CNOT4: variants seen among roughly 807,000 people sequenced by gnomAD.
CNOT4 encodes CCR4-associated factor 4.
CNOT4 carries 8 observed loss-of-function variants against 73.8 expected under a neutral mutation model. The observed-to-expected ratio is 0.11, with a 90% CI of 0.06 to 0.20. The LOEUF is 0.20. Among genes scored for constraint, CNOT4 ranks in the 10% least tolerant of loss-of-function variants. The pLI is 1.00. For synonymous variants in CNOT4, 293 were observed against 321.1 expected (o/e 0.91, Z 0.94); for missense variants, 564 against 883.4 (o/e 0.64, Z 4.58).
chr7:135,485,308 G>C (rs1240188896), intron 1 of CNOT4, among the ~76,000 whole-genome samples: 3 of 152,156 alleles, frequency 2.0e-5, no homozygotes, highest in East Asian at 3.8e-4. Flanking sequence ...TTGACCTCAT[G>C]ATCCACCTGC....
chr7:135,507,734 G>A (rs1804472029), intron 1 of CNOT4, among the ~76,000 whole-genome samples: 1 of 152,076 alleles, frequency 6.6e-6, no homozygotes, highest in South Asian at 2.1e-4. Context: ...CCTGTGTTAG[G>A]ATTTTTAAAA....
intron 1 of CNOT4, among the ~76,000 whole-genome samples, chr7:135,503,333 T>C (rs7803353): frequency 0.71 from 108,177 of 151,722 alleles, 38,845 homozygotes; most frequent in Middle Eastern, 0.79. Flanking sequence ...GGCATGGTCC[T>C]GTGCCTGTAG....
intron 2 of CNOT4, 140 bp from the exon 3 acceptor site, chr7:135,422,493 AT>A: frequency 1.9e-6 from 1 of 540,264 alleles, no homozygotes; most frequent in Non-Finnish European, 3.3e-6. Context: ...TGCTTAAAAA[AT>A]TTTTTTATTT....
intron 1 of CNOT4, among the ~76,000 whole-genome samples, chr7:135,445,864 T>C (rs979436347): frequency 6.6e-6 from 1 of 152,204 alleles, no homozygotes; most frequent in Admixed American, 6.5e-5. Flanking sequence ...AAATATTTTA[T>C]GTTTTCACTT....
chr7:135,390,636 G>A (rs1796352343), intron 10 of CNOT4, among the ~76,000 whole-genome samples: 1 of 151,992 alleles, frequency 6.6e-6, no homozygotes, highest in South Asian at 2.1e-4. Flanking sequence ...AAAAAAGGAA[G>A]CTGCATTTCT....
intron 2 of CNOT4, among the ~76,000 whole-genome samples, chr7:135,426,554 G>A (rs1798509701): frequency 6.8e-6 from 1 of 146,066 alleles, no homozygotes; most frequent in African/African-American, 2.5e-5. Flanking sequence ...AGTGAGCCGA[G>A]ATCGTGCCAC....
chr7:135,420,996 G>A (rs1798160243), intron 3 of CNOT4, among the ~76,000 whole-genome samples: 1 of 152,046 alleles, frequency 6.6e-6, no homozygotes, highest in African/African-American at 2.4e-5. Flanking sequence ...TGTAACTAAC[G>A]ACTGCCAGCA....
chr7:135,365,738 T>C (rs1012478802), intron 10 of CNOT4, among the ~76,000 whole-genome samples: 2 of 152,154 alleles, frequency 1.3e-5, no homozygotes, highest in African/African-American at 4.8e-5. Flanking sequence ...AGAGAAGCAT[T>C]ATAGTGTGTC....
intron 1 of CNOT4, among the ~76,000 whole-genome samples, chr7:135,457,307 G>A (rs1312040755): frequency 1.3e-5 from 2 of 151,268 alleles, no homozygotes; most frequent in Non-Finnish European, 3.0e-5. Flanking sequence ...GGGAAGGGAA[G>A]GAGACAAAGG....
chr7:135,458,828 G>A (rs1435352536), intron 1 of CNOT4, among the ~76,000 whole-genome samples: 1 of 151,858 alleles, frequency 6.6e-6, no homozygotes, highest in East Asian at 1.9e-4. Context: ...TACTTCCCAC[G>A]ATGAAGTCTT....
intron 1 of CNOT4, among the ~76,000 whole-genome samples, chr7:135,478,481 T>C (rs1215016974): frequency 3.3e-5 from 5 of 152,136 alleles, no homozygotes; most frequent in Non-Finnish European, 7.4e-5. Context: ...GTGGCTCAGA[T>C]CACTTGTGTT....
At chr7:135,428,943 T>G (rs1798665092) in intron 2 of CNOT4, among the ~76,000 whole-genome samples, 1 of 152,174 alleles carries the variant, frequency 6.6e-6, no homozygotes, top group African/African-American at 2.4e-5. Flanking sequence ...CCACTGCTCT[T>G]GTATTTAACA....
chr7:135,390,547 A>G (rs1796346969), intron 10 of CNOT4, among the ~76,000 whole-genome samples: 1 of 152,092 alleles, frequency 6.6e-6, no homozygotes, highest in Non-Finnish European at 1.5e-5. Context: ...AGTAAACCAA[A>G]TGCTGCTAAA....
intron 10 of CNOT4, among the ~76,000 whole-genome samples, chr7:135,385,209 A>G (rs1221774202): frequency 1.3e-5 from 2 of 152,236 alleles, no homozygotes; most frequent in Admixed American, 1.3e-4. Flanking sequence ...GTTCTCTACC[A>G]CTGACCACAT....
At chr7:135,388,564 C>T in intron 10 of CNOT4, 2 of 1,117,232 alleles carry the variant, frequency 1.8e-6, no homozygotes, top group Non-Finnish European at 2.2e-6. Context: ...GAAATAGTAT[C>T]ACTCATGAGA....
At chr7:135,456,016 C>G (rs187467969) in intron 1 of CNOT4, among the ~76,000 whole-genome samples, 1 of 152,130 alleles carries the variant, frequency 6.6e-6, no homozygotes, top group Non-Finnish European at 1.5e-5. Flanking sequence ...GTAACATTGA[C>G]GAAAACAGAA....
intron 1 of CNOT4, among the ~76,000 whole-genome samples, chr7:135,469,883 G>C (rs1017905691): frequency 1.3e-5 from 2 of 151,932 alleles, no homozygotes; most frequent in Non-Finnish European, 2.9e-5. Context: ...GTGCAGTGGC[G>C]CAATCTCAGC....
At chr7:135,369,475 T>C (rs2129482501) in intron 10 of CNOT4, among the ~76,000 whole-genome samples, 1 of 152,348 alleles carries the variant, frequency 6.6e-6, no homozygotes, top group South Asian at 2.1e-4. Flanking sequence ...TTTTGAGCCA[T>C]ATTTAATGGT....
At chr7:135,466,338 G>T (rs1801217166) in intron 1 of CNOT4, among the ~76,000 whole-genome samples, 1 of 151,396 alleles carries the variant, frequency 6.6e-6, no homozygotes, top group African/African-American at 2.4e-5. Context: ...GCCAGGCGTG[G>T]TGGCATGCAC....
Sources: allele counts gnomAD v4.1 joint callset (sites outside exome capture counted in the v4.1 genomes callset), GRCh38; gene constraint gnomAD v4.1.1; transcripts MANE v1.5; gene names NCBI Gene and HGNC (gene_info 2026-07-23, HGNC 2026-07-21).